Variants in CFTR observed in about 807,000 individuals in gnomAD.
CFTR encodes the protein CF transmembrane conductance regulator, also known as cystic fibrosis transmembrane conductance regulator.
Under a neutral mutation model 171.6 loss-of-function variants are expected in CFTR, and 181 were observed. The ratio of observed to expected loss-of-function variants is 1.05; its 90% CI spans 0.93 to 1.19. The LOEUF (loss-of-function observed/expected upper bound fraction) is 1.19. Among genes scored for constraint, CFTR ranks in the 50% most tolerant of loss-of-function variants. The pLI, the probability that CFTR is intolerant of heterozygous loss-of-function variation, is 0.00. For synonymous variants in CFTR, 583 were observed against 608.0 expected, an observed-to-expected ratio of 0.96 and a Z score of 0.60; for missense variants, 1,968 against 1,734.7, an observed-to-expected ratio of 1.13 and a Z score of -2.39.
At chr7:117,501,151 T>A (rs904893578) in intron 1 of CFTR, among the ~76,000 whole-genome samples, 3 of 152,224 alleles carry the variant, frequency 2.0e-5, no homozygotes, top group Non-Finnish European at 4.4e-5. Flanking sequence ...TATAGTGTCA[T>A]ATTTTAATAA....
At chr7:117,569,787 G>A (rs1791661185) in intron 11 of CFTR, among the ~76,000 whole-genome samples, 1 of 152,102 alleles carries the variant, frequency 6.6e-6, no homozygotes, top group African/African-American at 2.4e-5. Context: ...GAGGTAGGAT[G>A]TAATGGGAAG....
chr7:117,620,815 AAC>A (rs1432807652), intron 21 of CFTR, among the ~76,000 whole-genome samples: 4 of 152,204 alleles, frequency 2.6e-5, no homozygotes, highest in Non-Finnish European at 4.4e-5. Flanking sequence ...TCTTTATAAA[AAC>A]ACAGAGTAGC....
chr7:117,542,562 T>A (rs1490626644), intron 9 of CFTR, among the ~76,000 whole-genome samples: 4 of 151,408 alleles, frequency 2.6e-5, no homozygotes, highest in Non-Finnish European at 5.9e-5. Context: ...GAAAAAAAAA[T>A]AAAAATAAAA....
chr7:117,548,452 T>A (rs1239149301), intron 9 of CFTR, among the ~76,000 whole-genome samples, 189 bp from the exon 10 acceptor site: 1 of 151,768 alleles, frequency 6.6e-6, no homozygotes, highest in Non-Finnish European at 1.5e-5. Context: ...TAGTTTTAGA[T>A]CATGTCCTCT....
Position 117,491,865 on chromosome 7 carries a change from C to T in CFTR, c.53+11718C>T, listed in dbSNP as rs149922616. On this transcript the variant is annotated intron_variant, in intron 1 of 26. Coordinates refer to ENST00000003084, the MANE Select transcript of CFTR (RefSeq NM_000492.4). ...ATTCAACCTATAACAATTGATAACA[C>T]TCTTTAGGAGCAGAATGCGATATGG... Among the ~76,000 whole-genome samples, 138 of 152,128 alleles carry T rather than the reference C, an allele frequency of 9.1e-4. 2 individuals carry two copies. The highest frequency in any genetic ancestry group is 1.7e-3 in the Non-Finnish European group (114 of 67,972).
chr7:117,534,413 T>C, intron 5 of CFTR, 48 bp downstream of exon 5: 1 of 1,048,318 alleles, frequency 9.5e-7, no homozygotes, highest in Non-Finnish European at 1.5e-6. Context: ...TTATAAATTA[T>C]ACAACTGGAA....
chr7:117,608,731 TTA>T (rs1296090680), intron 18 of CFTR, among the ~76,000 whole-genome samples: 2 of 152,200 alleles, frequency 1.3e-5, no homozygotes, highest in East Asian at 1.9e-4. Context: ...CTGGTTATAC[TTA>T]TGTTTTACCT....
chr7:117,501,776 C>CAAAAAAAAAAAAAAAAAAAAAAACAAAAA (rs796991857), intron 1 of CFTR, among the ~76,000 whole-genome samples: 1 of 84,352 alleles, frequency 1.2e-5, no homozygotes, highest in East Asian at 3.5e-4. Flanking sequence ...AAAAAAGAAA[C>CAAAAAAAAAAAAAAAAAAAAAAACAAAAA]AAAAAAAAAA....
intron 15 of CFTR, among the ~76,000 whole-genome samples, chr7:117,596,161 G>C (rs1442384359): frequency 1.3e-5 from 1 of 79,328 alleles, no homozygotes; most frequent in African/African-American, 5.3e-5. Context: ...AGAGGCGCTG[G>C]GGGAACTGGG....
chr7:117,542,050 A>AAT lies in CFTR; in HGVS notation c.1155_1156dup (p.Asn386IlefsTer3), dbSNP rs121908785. 6 of 1,594,456 alleles carry AAT rather than the reference A, an allele frequency of 3.8e-6. No individual in the cohort carries two copies. The Admixed American group carries it at 5.0e-5, about 13-fold the overall frequency. ...CAAAAGCAAGAATATAAGACATTGG[A>AAT]ATATAACTTAACGACTACAGAAGTA... On this transcript the variant is annotated frameshift_variant, in exon 9 of 27. Coordinates refer to ENST00000003084, the MANE Select transcript of CFTR (RefSeq NM_000492.4). LOFTEE classifies it high-confidence loss of function.
intron 3 of CFTR, among the ~76,000 whole-genome samples, chr7:117,529,530 A>G (rs1467691422): frequency 6.6e-6 from 1 of 151,444 alleles, no homozygotes; most frequent in African/African-American, 2.4e-5. Flanking sequence ...AAAAAAAAAA[A>G]AAGTTTGAAT....
intron 11 of CFTR, among the ~76,000 whole-genome samples, chr7:117,561,766 G>A (rs1012274113): frequency 8.5e-5 from 13 of 152,064 alleles, no homozygotes; most frequent in African/African-American, 3.1e-4. Context: ...ATAACAAATC[G>A]AATTAGTGAT....
chr7:117,631,645 G>C (rs898214450), intron 22 of CFTR, among the ~76,000 whole-genome samples: 8 of 152,170 alleles, frequency 5.3e-5, no homozygotes, highest in Non-Finnish European at 1.2e-4. Flanking sequence ...CTCAGAAGGT[G>C]GTATTCCAGA....
intron 23 of CFTR, among the ~76,000 whole-genome samples, chr7:117,652,332 T>C (rs118028075): frequency 6.6e-6 from 1 of 152,186 alleles, no homozygotes; most frequent in African/African-American, 2.4e-5. Flanking sequence ...CCTTGGTTTA[T>C]AGATGAGATA....
intron 24 of CFTR, among the ~76,000 whole-genome samples, chr7:117,663,509 T>TAAAAAAAAAA (rs71148372): frequency 8.0e-6 from 1 of 124,420 alleles, no homozygotes; most frequent in Non-Finnish European, 1.8e-5. Context: ...CTTGTCCAGC[T>TAAAAAAAAAA]AAAAAAAAAA....
intron 10 of CFTR, among the ~76,000 whole-genome samples, chr7:117,550,043 A>G (rs1426202535): frequency 6.6e-6 from 1 of 152,174 alleles, no homozygotes; most frequent in East Asian, 1.9e-4. Flanking sequence ...CACTCAATAA[A>G]TTTGGTGTCA....
At chr7:117,520,329 T>C (rs1340396134) in intron 3 of CFTR, among the ~76,000 whole-genome samples, 3 of 151,340 alleles carry the variant, frequency 2.0e-5, no homozygotes, top group Admixed American at 2.0e-4. Context: ...CAAATCTATA[T>C]ATCTTTTTCT....
At chr7:117,547,505 A>G (rs1377343444) in intron 9 of CFTR, among the ~76,000 whole-genome samples, 1 of 151,800 alleles carries the variant, frequency 6.6e-6, no homozygotes, top group African/African-American at 2.4e-5. Flanking sequence ...ATTATTAATT[A>G]ATTAAATTAT....
intron 23 of CFTR, among the ~76,000 whole-genome samples, chr7:117,643,072 T>C (rs1792945968): frequency 6.6e-6 from 1 of 152,196 alleles, no homozygotes. Context: ...AACTATTTTT[T>C]TTTAATGTCA....
Sources: allele counts gnomAD v4.1 joint callset (sites outside exome capture counted in the v4.1 genomes callset), GRCh38; gene constraint gnomAD v4.1.1; transcripts MANE v1.5; gene names NCBI Gene and HGNC (gene_info 2026-07-23, HGNC 2026-07-21).